The following KLF12 variants were observed in gnomAD, a reference collection of about 807,000 sequenced individuals.
The protein encoded by KLF12 is KLF transcription factor 12.
In KLF12, 9 loss-of-function variants were observed where a neutral mutation model predicts 37.8. The ratio of observed to expected loss-of-function variants is 0.24; its 90% CI spans 0.14 to 0.42. The LOEUF is 0.42. Ranked by LOEUF, KLF12 falls within the 10% of genes least tolerant of loss-of-function variation. The probability of loss-of-function intolerance (pLI) is 1.00; values close to 1 mark genes in which losing one functional copy is unlikely to be tolerated. For synonymous variants in KLF12, 208 were observed against 202.1 expected (o/e 1.03, Z -0.25); for missense variants, 411 against 516.0 (o/e 0.80, Z 1.97).
intron 2 of KLF12, among the ~76,000 whole-genome samples, chr13:73,963,880 T>C (rs552894441): frequency 1.3e-5 from 2 of 152,346 alleles, no homozygotes; most frequent in African/African-American, 4.8e-5. Flanking sequence ...TCTGATTGAT[T>C]GGTTCAGAAA....
the KLF12 span, chr13:74,259,832 G>A: frequency 0.033 from 4,960 of 152,218 alleles, 117 homozygotes; most frequent in Middle Eastern, 0.071. Context: ...TGAGGTTTCT[G>A]TTCACACTTC....
upstream of KLF12, among the ~76,000 whole-genome samples, chr13:74,135,937 G>T (rs1239338787): frequency 2.0e-5 from 3 of 152,186 alleles, no homozygotes; most frequent in Admixed American, 2.0e-4. Flanking sequence ...CGCGGTGTGC[G>T]TTCCTAATGA....
At chr13:74,101,784 G>A (rs557187488) in intron 1 of KLF12, among the ~76,000 whole-genome samples, 22 of 152,212 alleles carry the variant, frequency 1.4e-4, no homozygotes, top group African/African-American at 5.3e-4. Flanking sequence ...CATAATATAT[G>A]AAAAACATCA....
intron 5 of KLF12, among the ~76,000 whole-genome samples, chr13:73,768,602 G>T (rs999953167): frequency 2.0e-5 from 3 of 152,066 alleles, no homozygotes; most frequent in Admixed American, 6.6e-5. Context: ...GTACTAAACT[G>T]CACAGTATTT....
intron 3 of KLF12, among the ~76,000 whole-genome samples, chr13:73,887,017 G>T (rs4885125): frequency 0.79 from 117,020 of 148,786 alleles, 46,123 homozygotes; most frequent in East Asian, 0.91. Flanking sequence ...AACAAGAAAA[G>T]AAAAGTATAA....
intron 1 of KLF12, among the ~76,000 whole-genome samples, chr13:74,033,605 T>C (rs1235028705): frequency 6.6e-6 from 1 of 152,218 alleles, no homozygotes; most frequent in Non-Finnish European, 1.5e-5. Context: ...CAAACTTCCA[T>C]AGCAAAGAAT....
intron 6 of KLF12, among the ~76,000 whole-genome samples, chr13:73,731,847 C>G (rs1250424029): frequency 6.6e-6 from 1 of 152,152 alleles, no homozygotes; most frequent in Non-Finnish European, 1.5e-5. Context: ...GATGTGAGTT[C>G]AGGACTATCA....
At chr13:74,207,652 G>A in the KLF12 span, among the ~76,000 whole-genome samples, 1 of 152,150 alleles carries the variant, frequency 6.6e-6, no homozygotes, top group Non-Finnish European at 1.5e-5. Context: ...CAGCCTGGGT[G>A]ACAGAGTGAG....
the KLF12 span, among the ~76,000 whole-genome samples, chr13:74,248,042 C>T: frequency 1.2e-4 from 18 of 152,176 alleles, no homozygotes; most frequent in Admixed American, 1.2e-3. Context: ...ACTTCTTTTC[C>T]TCTCATGCCA....
rs10637379 is a variant in KLF12 at position 74,112,204 on chromosome 13, C to CTGTG, written c.-32+21531_-32+21534dup. 2.7e-3 allele frequency among the ~76,000 whole-genome samples: 401 copies of CTGTG among 149,460 alleles called. 1 individual carries two copies. Among genetic ancestry groups the CTGTG allele is most frequent in the East Asian group, 0.015 (76 of 5,110 alleles). On this transcript the variant is annotated intron_variant, in intron 1 of 7. Transcript: ENST00000377669. ...TAAACGTTTATGTGTGTGTGTGCAT[C>CTGTG]TGTGTGTGTGTGTGTGTGTATGATA...
At chr13:74,183,116 T>C in the KLF12 span, among the ~76,000 whole-genome samples, 1 of 152,182 alleles carries the variant, frequency 6.6e-6, no homozygotes, top group Non-Finnish European at 1.5e-5. Flanking sequence ...CATATTTCCT[T>C]GACATGAATT....
intron 5 of KLF12, among the ~76,000 whole-genome samples, chr13:73,765,400 G>C (rs1879844728): frequency 6.6e-6 from 1 of 152,102 alleles, no homozygotes; most frequent in Admixed American, 6.6e-5. Flanking sequence ...ACAAAGAGGT[G>C]TCTAAGTGCC....
chr13:73,836,564 AT>A (rs2138619655), intron 4 of KLF12, among the ~76,000 whole-genome samples: 1 of 152,310 alleles, frequency 6.6e-6, no homozygotes, highest in South Asian at 2.1e-4. Flanking sequence ...AGATGCCAAA[AT>A]AATTCTACAA....
intron 2 of KLF12, among the ~76,000 whole-genome samples, chr13:73,955,350 TAA>T (rs1355506057): frequency 2.6e-5 from 4 of 152,152 alleles, no homozygotes; most frequent in Non-Finnish European, 4.4e-5. Flanking sequence ...ACAGAAATGT[TAA>T]GAGTTGTTTT....
chr13:74,207,364 G>A, the KLF12 span, among the ~76,000 whole-genome samples: 1 of 152,272 alleles, frequency 6.6e-6, no homozygotes, highest in Non-Finnish European at 1.5e-5. Context: ...TGTCCTCATT[G>A]CTTAGGACAG....
chr13:74,020,944 T>C (rs184235914), intron 1 of KLF12, among the ~76,000 whole-genome samples: 33 of 151,342 alleles, frequency 2.2e-4, no homozygotes, highest in African/African-American at 8.0e-4. Flanking sequence ...GACCACTTCA[T>C]TCACAATTCT....
At chr13:73,958,295 G>A (rs1593781935) in intron 2 of KLF12, among the ~76,000 whole-genome samples, 1 of 151,642 alleles carries the variant, frequency 6.6e-6, no homozygotes, top group South Asian at 2.1e-4. Context: ...CCAGGCTGGA[G>A]TGCAGTGGTG....
intron 1 of KLF12, among the ~76,000 whole-genome samples, chr13:74,036,797 G>A (rs1332150638): frequency 2.0e-5 from 3 of 152,188 alleles, no homozygotes; most frequent in Non-Finnish European, 4.4e-5. Flanking sequence ...AGAGGATGTA[G>A]AAAAAGTGCC....
At chr13:74,169,664 A>T in the KLF12 span, among the ~76,000 whole-genome samples, 2 of 152,236 alleles carry the variant, frequency 1.3e-5, no homozygotes, top group Non-Finnish European at 2.9e-5. Context: ...TCCCTTTTAC[A>T]TATCCCATCC....
Sources: gnomAD v4.1 joint callset for allele counts (sites outside exome capture counted in the v4.1 genomes callset) on GRCh38, gnomAD v4.1.1 for gene constraint, MANE v1.5 for transcripts, NCBI Gene and HGNC (gene_info 2026-07-23, HGNC 2026-07-21) for gene names.